Variants in PHEX observed in about 807,000 individuals in gnomAD.
PHEX encodes phosphate-regulating neutral endopeptidase PHEX.
In PHEX, 16 loss-of-function variants were observed where a neutral mutation model predicts 68.0. That is an observed-to-expected ratio of 0.24 (90% CI 0.16 to 0.36). The LOEUF is 0.36. Among genes scored for constraint, PHEX ranks in the 10% least tolerant of loss-of-function variants. The pLI is 1.00. For synonymous variants in PHEX, 208 were observed against 205.1 expected (o/e 1.01, Z -0.12); for missense variants, 480 against 575.5 (o/e 0.83, Z 1.70).
chrX:22,144,006 C>A (rs758001253), intron 12 of PHEX, among the ~76,000 whole-genome samples: 5 of 111,630 alleles, frequency 4.5e-5, no homozygotes, highest in Non-Finnish European at 9.4e-5. Flanking sequence ...ATTCTTTGAC[C>A]ACTGGGCAGA....
intron 20 of PHEX, among the ~76,000 whole-genome samples, chrX:22,238,318 G>C (rs1370834979): frequency 8.9e-6 from 1 of 111,750 alleles, no homozygotes; most frequent in Non-Finnish European, 1.9e-5. Flanking sequence ...CACTTCACCC[G>C]GGAAGCACAA....
chrX:22,136,878 G>A (rs1315333897), intron 12 of PHEX, among the ~76,000 whole-genome samples: 1 of 103,446 alleles, frequency 9.7e-6, no homozygotes, highest in Non-Finnish European at 2.1e-5. Context: ...AAGAGGTCAC[G>A]AGTAGTTTTT....
Position 22,196,841 on chromosome X carries a change from G to T in PHEX, c.1645+6339G>T, listed in dbSNP as rs16981838. ...ACAGATATTCTGCTAAAGAAGATAA[G>T]CCTTTGTCCAGAGGCTGGGCTTATG... On this transcript the variant is annotated intron_variant, in intron 15 of 21. Transcript: ENST00000379374. Among the ~76,000 whole-genome samples the T allele has an allele frequency of 9.3e-3, 1,039 of 111,780 alleles. 10 individuals carry two copies. The highest frequency in any genetic ancestry group is 0.032 in the African/African-American group (989 of 30,756).
chrX:22,042,551 G>A (rs112665122), intron 2 of PHEX, among the ~76,000 whole-genome samples: 2,444 of 112,445 alleles, frequency 0.022, 65 homozygotes, highest in African/African-American at 0.074. Context: ...TTGGGACGCT[G>A]AGGCGGACAG....
At position 22,146,847 on chromosome X, in the gene PHEX, T is replaced by C. The variant is rs201216102; in HGVS notation, c.1404+13223T>C. 7.8e-5 allele frequency among the ~76,000 whole-genome samples: 5 copies of C among 63,721 alleles called. No individual in the cohort carries two copies. The Admixed American group carries it at 1.2e-3, about 15-fold the overall frequency. 55.3% of individuals were successfully genotyped at this position (63,721 alleles called of 115,157 possible). On this transcript the variant is annotated intron_variant, in intron 12 of 21. Coordinates refer to ENST00000379374, the MANE Select transcript of PHEX (RefSeq NM_000444.6). ...AATAAATAAATAAAATAAAATTAAT[T>C]AATTAATTAATTAAAAAAATAAAAG...
intron 20 of PHEX, among the ~76,000 whole-genome samples, chrX:22,239,986 G>T (rs1407231728): frequency 8.9e-6 from 1 of 111,979 alleles, no homozygotes; most frequent in Non-Finnish European, 1.9e-5. Flanking sequence ...AGGGGAGCCA[G>T]AGAGAAAGGT....
At chrX:22,224,611 C>T (rs186077633) in intron 18 of PHEX, among the ~76,000 whole-genome samples, 38 of 111,167 alleles carry the variant, frequency 3.4e-4, no homozygotes, top group Non-Finnish European at 6.8e-4. Context: ...ACATCTGCTA[C>T]ACTCTCGGAG....
At chrX:22,036,048 ATATATATT>A (rs1692088494) in intron 1 of PHEX, among the ~76,000 whole-genome samples, 1 of 55,343 alleles carries the variant, frequency 1.8e-5, no homozygotes, top group Non-Finnish European at 3.3e-5. Flanking sequence ...ATATATATAT[ATATATATT>A]TTTTTTTTTT....
At chrX:22,176,394 AAAAAAAAAATATAT>A (rs201356422) in intron 13 of PHEX, among the ~76,000 whole-genome samples, 180 of 81,853 alleles carry the variant, frequency 2.2e-3, no homozygotes, top group African/African-American at 0.01. Context: ...CAAAAAAAAA[AAAAAAAAAATATAT>A]ATATATATAT....
chrX:22,225,652 T>A (rs767501598), intron 18 of PHEX, among the ~76,000 whole-genome samples: 11 of 112,487 alleles, frequency 9.8e-5, no homozygotes, highest in Non-Finnish European at 2.1e-4. Flanking sequence ...TTGAATTTCA[T>A]ATAAGTAATT....
At chrX:22,106,594 A>G (rs1021883351) in intron 9 of PHEX, among the ~76,000 whole-genome samples, 1 of 108,213 alleles carries the variant, frequency 9.2e-6, no homozygotes, top group Non-Finnish European at 1.9e-5. Flanking sequence ...AAATCATGAA[A>G]CCCTGTCTCT....
intron 3 of PHEX, among the ~76,000 whole-genome samples, chrX:22,074,146 T>G (rs1293706357): frequency 9.0e-6 from 1 of 110,934 alleles, no homozygotes; most frequent in Non-Finnish European, 1.9e-5. Flanking sequence ...AGGCTTTGTT[T>G]TCTACTCATT....
chrX:22,090,144 A>G (rs958086633), intron 5 of PHEX, among the ~76,000 whole-genome samples: 1 of 112,282 alleles, frequency 8.9e-6, no homozygotes, highest in African/African-American at 3.2e-5. Context: ...AATCTCTAAG[A>G]TCTATTCCAA....
At chrX:22,240,466 C>T (rs1182856622) in intron 20 of PHEX, among the ~76,000 whole-genome samples, 1 of 111,742 alleles carries the variant, frequency 8.9e-6, no homozygotes, top group Non-Finnish European at 1.9e-5. Flanking sequence ...AGTCAAGACC[C>T]ATCAGTGTGC....
At chrX:22,210,495 T>C (rs1189300401) in intron 15 of PHEX, among the ~76,000 whole-genome samples, 2 of 112,191 alleles carry the variant, frequency 1.8e-5, no homozygotes, top group Admixed American at 9.5e-5. Flanking sequence ...TTAGGAAATA[T>C]CATTGCTTTT....
At chrX:22,141,858 G>T (rs1932477954) in intron 12 of PHEX, among the ~76,000 whole-genome samples, 1 of 112,096 alleles carries the variant, frequency 8.9e-6, no homozygotes, top group South Asian at 3.7e-4. Flanking sequence ...GCTTTGAAAG[G>T]CATTCTTGAA....
chrX:22,158,717 G>A (rs1471420581), intron 12 of PHEX, among the ~76,000 whole-genome samples: 1 of 112,141 alleles, frequency 8.9e-6, no homozygotes, highest in Non-Finnish European at 1.9e-5. Flanking sequence ...TATATAAAAA[G>A]TAGATGCCAT....
rs1482506283 is a variant in PHEX, at chrX:22,055,206, A to C, written c.349+7995A>C. On this transcript the variant is annotated intron_variant, in intron 3 of 21. Coordinates refer to ENST00000379374, the MANE Select transcript of PHEX (RefSeq NM_000444.6). ...AAAAAAAAAAAAAAAAAAAAAAAAAAAAAAAAAAACAGACCTAGTGCTAGA... is the reference window on the plus strand; with the variant it reads ...AAAAAAAAAAAAAAAAAAAAAAAAACAAAAAAAAACAGACCTAGTGCTAGA... Among the ~76,000 whole-genome samples, 15 of 63,525 alleles carry C rather than the reference A, an allele frequency of 2.4e-4. 1 individual carries two copies. Among genetic ancestry groups the C allele is most frequent in the South Asian group, 1.6e-3 (2 of 1,266 alleles). The allele number at this position is 63,525 out of a possible 115,157, so 55.2% of individuals were successfully genotyped here. A position where few individuals can be genotyped will look rare whatever the true frequency, so the allele number is the denominator to read the frequency against.
At chrX:22,105,954 T>A (rs755930131) in intron 9 of PHEX, among the ~76,000 whole-genome samples, 16 of 112,098 alleles carry the variant, frequency 1.4e-4, no homozygotes, top group Non-Finnish European at 2.4e-4. Flanking sequence ...ATCTTCCAAG[T>A]CAGAGGCTTT....
Sources: allele counts gnomAD v4.1 joint callset (sites outside exome capture counted in the v4.1 genomes callset), GRCh38; gene constraint gnomAD v4.1.1; transcripts MANE v1.5; gene names NCBI Gene and HGNC (gene_info 2026-07-23, HGNC 2026-07-21).